Variants in GNAO1 observed in about 807,000 individuals in gnomAD.
GNAO1 encodes the protein G protein subunit alpha o1.
For missense variants in GNAO1, 166 were observed against 478.7 expected (o/e 0.35, Z 6.10); for synonymous variants, 164 against 180.7 (o/e 0.91, Z 0.74).
intron 2 of GNAO1, among the ~76,000 whole-genome samples, chr16:56,262,171 A>G (rs1231560237): frequency 6.6e-6 from 1 of 152,234 alleles, no homozygotes; most frequent in African/African-American, 2.4e-5. Context: ...GGCAGCCAGC[A>G]GATGTCCACT....
At chr16:56,269,777 G>A (rs2036997049) in intron 2 of GNAO1, among the ~76,000 whole-genome samples, 1 of 152,196 alleles carries the variant, frequency 6.6e-6, no homozygotes, top group South Asian at 2.1e-4. Flanking sequence ...GGGCCTCTGA[G>A]TTTGTGACCC....
chr16:56,334,882 C>A, intron 5 of GNAO1, 25 bp downstream of exon 5: 6 of 1,612,772 alleles, frequency 3.7e-6, no homozygotes, highest in Non-Finnish European at 5.1e-6. Flanking sequence ...GGCCCCCAGG[C>A]CCTGGCGAGG....
chr16:56,277,746 T>G (rs1032397048), intron 3 of GNAO1, among the ~76,000 whole-genome samples: 18 of 142,288 alleles, frequency 1.3e-4, no homozygotes, highest in African/African-American at 2.7e-4. Flanking sequence ...CTCAGCCAGA[T>G]AGCAGACACA....
At chr16:56,324,691 C>G (rs2143638599) in intron 3 of GNAO1, among the ~76,000 whole-genome samples, 1 of 152,342 alleles carries the variant, frequency 6.6e-6, no homozygotes, top group African/African-American at 2.4e-5. Flanking sequence ...TCACTGCTGC[C>G]AGGGGGGCCC....
intron 2 of GNAO1, chr16:56,270,963 T>G (rs2037010797): frequency 6.6e-6 from 1 of 152,202 alleles, no homozygotes; most frequent in Admixed American, 6.5e-5. Context: ...TGCTAAGGTA[T>G]CTCGTGGAGC....
At chr16:56,214,434 T>C (rs748070774) in intron 2 of GNAO1, among the ~76,000 whole-genome samples, 10 of 152,292 alleles carry the variant, frequency 6.6e-5, no homozygotes, top group Non-Finnish European at 1.5e-4. Flanking sequence ...TCCCCAAGTG[T>C]AGCCTGAAAG....
chr16:56,239,448 G>A (rs2036673164), intron 2 of GNAO1, among the ~76,000 whole-genome samples: 1 of 152,116 alleles, frequency 6.6e-6, no homozygotes, highest in Admixed American at 6.5e-5. Flanking sequence ...TCCTGCAGTT[G>A]GAAAAAACCT....
intron 2 of GNAO1, among the ~76,000 whole-genome samples, chr16:56,195,808 C>T (rs2036227271): frequency 6.6e-6 from 1 of 152,188 alleles, no homozygotes; most frequent in African/African-American, 2.4e-5. Flanking sequence ...TTTAGCATTT[C>T]CAGAAGAGCA....
chr16:56,233,406 C>T (rs1435206987), intron 2 of GNAO1, among the ~76,000 whole-genome samples: 1 of 152,174 alleles, frequency 6.6e-6, no homozygotes, highest in Non-Finnish European at 1.5e-5. Flanking sequence ...GAGCAATACA[C>T]GTTTCTGAGA....
intron 3 of GNAO1, among the ~76,000 whole-genome samples, chr16:56,287,617 G>C (rs2037186230): frequency 6.6e-6 from 1 of 152,182 alleles, no homozygotes; most frequent in African/African-American, 2.4e-5. Context: ...CAGGAGCCTG[G>C]GTGTGACAAT....
At chr16:56,295,369 A>T (rs1255810084) in intron 3 of GNAO1, among the ~76,000 whole-genome samples, 5 of 152,050 alleles carry the variant, frequency 3.3e-5, no homozygotes, top group African/African-American at 7.2e-5. Context: ...ATATGAGGAT[A>T]ATAAGTCACC....
chr16:56,204,127 G>A (rs1476780540), intron 2 of GNAO1, among the ~76,000 whole-genome samples: 1 of 152,142 alleles, frequency 6.6e-6, no homozygotes, highest in African/African-American at 2.4e-5. Flanking sequence ...AACATGAGAA[G>A]GAGAGAGTAT....
chr16:56,254,896 C>T lies in GNAO1; in HGVS notation c.162-21035C>T, dbSNP rs117675136. 2.7e-3 allele frequency among the ~76,000 whole-genome samples: 405 copies of T among 152,238 alleles called. 1 individual carries two copies. Among genetic ancestry groups the T allele is most frequent in the South Asian group, 0.013 (63 of 4,820 alleles). On this transcript the variant is annotated intron_variant, in intron 2 of 8. Transcript: ENST00000262493. ...TTAATTCATAATTAAACACATATTG[C>T]TTTAATGTTATTTGAACACAAGATA... is the stretch of plus-strand genomic sequence containing the variant.
At chr16:56,316,961 G>C (rs1338233269) in intron 3 of GNAO1, among the ~76,000 whole-genome samples, 1 of 152,230 alleles carries the variant, frequency 6.6e-6, no homozygotes, top group Non-Finnish European at 1.5e-5. Flanking sequence ...CAGTGACAGG[G>C]CCTCAGAGGA....
At chr16:56,192,651 T>C in intron 2 of GNAO1, 35 bp downstream of exon 2, 1 of 1,347,734 alleles carries the variant, frequency 7.4e-7, no homozygotes. Context: ...CGTACTTTTA[T>C]TAAGAATAAT....
intron 5 of GNAO1, among the ~76,000 whole-genome samples, chr16:56,336,122 G>T (rs1411146297): frequency 6.6e-6 from 1 of 152,162 alleles, no homozygotes; most frequent in Non-Finnish European, 1.5e-5. Context: ...GAATTTTTGT[G>T]CCCCCTCGGG....
chr16:56,274,641 G>T (rs1436456144), intron 2 of GNAO1, among the ~76,000 whole-genome samples: 1 of 152,200 alleles, frequency 6.6e-6, no homozygotes, highest in Non-Finnish European at 1.5e-5. Context: ...AAAACATTGT[G>T]CTAAGTGAAA....
intron 2 of GNAO1, among the ~76,000 whole-genome samples, chr16:56,257,339 C>A (rs2036861242): frequency 6.6e-6 from 1 of 152,192 alleles, no homozygotes. Context: ...GCAGAAGGTG[C>A]CTTTCCTACT....
At chr16:56,258,471 G>C (rs1309665012) in intron 2 of GNAO1, among the ~76,000 whole-genome samples, 1 of 152,238 alleles carries the variant, frequency 6.6e-6, no homozygotes, top group Non-Finnish European at 1.5e-5. Flanking sequence ...AAACCTGAAA[G>C]GGAGTGTTGG....
Sources: gnomAD v4.1 joint callset for allele counts (sites outside exome capture counted in the v4.1 genomes callset) on GRCh38, gnomAD v4.1.1 for gene constraint, MANE v1.5 for transcripts, NCBI Gene and HGNC (gene_info 2026-07-23, HGNC 2026-07-21) for gene names.